The following TTC27 variants were observed in gnomAD, a reference collection of about 807,000 sequenced individuals.
TTC27 encodes the protein tetratricopeptide repeat protein 27.
In TTC27, 79 loss-of-function variants were observed where a neutral mutation model predicts 115.9. That is an observed-to-expected ratio of 0.68 (90% CI 0.57 to 0.82). The LOEUF is 0.82. Among genes scored for constraint, TTC27 ranks in the 40% least tolerant of loss-of-function variants. TTC27 has a pLI of 0.00. For synonymous variants in TTC27, 401 were observed against 356.0 expected (o/e 1.13, Z -1.42); for missense variants, 1,054 against 993.1 (o/e 1.06, Z -0.82).
At position 32,716,136 on chromosome 2, in the gene TTC27, A is replaced by G. The variant is rs551398748; in HGVS notation, c.1233+13216A>G. Reference sequence around the variant, plus strand: ...TGCGTAAGCATAAATATACTTTGACATAAGTGGGATCATCCAGTCTTCATT... The same window carrying G: ...TGCGTAAGCATAAATATACTTTGACGTAAGTGGGATCATCCAGTCTTCATT... On this transcript the variant is annotated intron_variant, in intron 10 of 19. Transcript: ENST00000317907. Among the ~76,000 whole-genome samples the G allele has an allele frequency of 4.6e-5, 7 of 152,308 alleles. No individual in the cohort carries two copies. The South Asian group carries it at 1.0e-3, about 23-fold the overall frequency.
At chr2:32,811,296 G>A in intron 17 of TTC27, 75 bp downstream of exon 17, 2 of 1,357,246 alleles carry the variant, frequency 1.5e-6, no homozygotes, top group Middle Eastern at 2.2e-4. Flanking sequence ...TTTGATGGGT[G>A]GAGGAAGAGT....
chr2:32,797,664 G>A (rs544511159), intron 16 of TTC27, among the ~76,000 whole-genome samples: 1 of 152,168 alleles, frequency 6.6e-6, no homozygotes, highest in South Asian at 2.1e-4. Flanking sequence ...ACTCTTAAAA[G>A]TAAACATAGG....
chr2:32,777,798 G>GTT, intron 13 of TTC27, 84 bp from the exon 14 acceptor site: 2 of 1,296,552 alleles, frequency 1.5e-6, no homozygotes, highest in Non-Finnish European at 2.2e-6. Context: ...GAGTGTGTTT[G>GTT]TTGATAGCAT....
At chr2:32,663,123 G>A (rs1665615106) in intron 5 of TTC27, among the ~76,000 whole-genome samples, 1 of 152,160 alleles carries the variant, frequency 6.6e-6, no homozygotes, top group African/African-American at 2.4e-5. Flanking sequence ...TCATGGGGGT[G>A]GGATCAGCTG....
At chr2:32,709,985 CTGT>C (rs1667519742) in intron 10 of TTC27, among the ~76,000 whole-genome samples, 1 of 152,018 alleles carries the variant, frequency 6.6e-6, no homozygotes, top group Non-Finnish European at 1.5e-5. Flanking sequence ...GTTTAAGTGT[CTGT>C]TGTTGTTAAA....
Position 32,723,732 on chromosome 2 carries a change from T to TTCCC in TTC27, c.1234-10093_1234-10092insCTCC, listed in dbSNP as rs1558310928. Among the ~76,000 whole-genome samples the TTCCC allele has an allele frequency of 1.0e-3, 28 of 26,742 alleles. 1 individual carries two copies. The South Asian group carries it at 0.042, about 40-fold the overall frequency. 17.5% of individuals were successfully genotyped at this position (26,742 alleles called of 152,430 possible). A position where few individuals can be genotyped will look rare whatever the true frequency, so the allele number is the denominator to read the frequency against. On this transcript the variant is annotated intron_variant, in intron 10 of 19. Coordinates refer to ENST00000317907, the MANE Select transcript of TTC27 (RefSeq NM_017735.5). ...CCTCCCTCCCTCCCTCCCTCCCTCC[T>TTCCC]TCCTTCCTTCCTTCCTTCCTTCCTT... is the stretch of plus-strand genomic sequence containing the variant.
At chr2:32,760,809 T>A (rs959498143) in intron 13 of TTC27, among the ~76,000 whole-genome samples, 4 of 152,136 alleles carry the variant, frequency 2.6e-5, no homozygotes, top group African/African-American at 9.7e-5. Context: ...CTCACAGACA[T>A]GAATTGTTCT....
intron 13 of TTC27, among the ~76,000 whole-genome samples, chr2:32,776,165 T>G (rs1290738510): frequency 1.3e-5 from 2 of 152,222 alleles, no homozygotes; most frequent in Non-Finnish European, 2.9e-5. Flanking sequence ...CTGTTCTCCA[T>G]AAAGGCTCCT....
chr2:32,666,882 C>A, intron 7 of TTC27, 114 bp downstream of exon 7: 1 of 1,260,234 alleles, frequency 7.9e-7, no homozygotes, highest in Non-Finnish European at 1.1e-6. Context: ...TTTATTCTTT[C>A]TTTTGCCTTT....
intron 12 of TTC27, among the ~76,000 whole-genome samples, chr2:32,741,407 G>A (rs1668631484): frequency 6.6e-6 from 1 of 151,970 alleles, no homozygotes; most frequent in Non-Finnish European, 1.5e-5. Context: ...ACATTGGTAG[G>A]CTGAGGCGGG....
intron 10 of TTC27, among the ~76,000 whole-genome samples, chr2:32,724,447 C>T (rs1490929910): frequency 6.6e-6 from 1 of 152,080 alleles, no homozygotes; most frequent in Non-Finnish European, 1.5e-5. Context: ...CTATGGCTAC[C>T]AGACTGTGCT....
At chr2:32,767,443 G>T (rs375529009) in intron 13 of TTC27, among the ~76,000 whole-genome samples, 2,429 of 112,212 alleles carry the variant, frequency 0.022, 62 homozygotes, top group African/African-American at 0.075. Flanking sequence ...ATATTTATAA[G>T]TTTTTTTTTG....
chr2:32,814,618 C>T (rs1270781166), intron 18 of TTC27, among the ~76,000 whole-genome samples: 1 of 152,198 alleles, frequency 6.6e-6, no homozygotes, highest in Non-Finnish European at 1.5e-5. Context: ...CCAGTGGACC[C>T]ACATATATGA....
intron 10 of TTC27, among the ~76,000 whole-genome samples, chr2:32,708,431 C>A (rs1667460734): frequency 6.7e-6 from 1 of 149,924 alleles, no homozygotes; most frequent in African/African-American, 2.5e-5. Flanking sequence ...CTTGCCTCAA[C>A]CTTCTGAGTA....
intron 15 of TTC27, among the ~76,000 whole-genome samples, chr2:32,782,925 T>G (rs220652): frequency 0.65 from 99,521 of 152,028 alleles, 33,255 homozygotes; most frequent in African/African-American, 0.78. Context: ...TCTTTATTTA[T>G]TACTGAAGTT....
intron 10 of TTC27, among the ~76,000 whole-genome samples, chr2:32,728,037 C>CT (rs564322443): frequency 0.061 from 6,426 of 105,386 alleles, 286 homozygotes; most frequent in East Asian, 0.1. Flanking sequence ...AGGACTGCCT[C>CT]TTTTTTTTTT....
chr2:32,807,961 T>C (rs1351428942), intron 16 of TTC27, among the ~76,000 whole-genome samples: 2 of 140,148 alleles, frequency 1.4e-5, no homozygotes, highest in African/African-American at 2.7e-5. Context: ...GAGACAGAGT[T>C]TCGCTCTTGT....
intron 16 of TTC27, among the ~76,000 whole-genome samples, chr2:32,797,333 C>T (rs578137901): frequency 3.3e-5 from 5 of 151,282 alleles, no homozygotes; most frequent in Non-Finnish European, 5.9e-5. Flanking sequence ...GAGCATGCCA[C>T]CACATCTAAC....
At chr2:32,683,177 A>T (rs1461511593) in intron 9 of TTC27, among the ~76,000 whole-genome samples, 1 of 151,766 alleles carries the variant, frequency 6.6e-6, no homozygotes, top group Non-Finnish European at 1.5e-5. Flanking sequence ...TTTAGTAGAG[A>T]TGGGGTTTCA....
Sources: gnomAD v4.1 joint callset for allele counts (sites outside exome capture counted in the v4.1 genomes callset) on GRCh38, gnomAD v4.1.1 for gene constraint, MANE v1.5 for transcripts, NCBI Gene and HGNC (gene_info 2026-07-23, HGNC 2026-07-21) for gene names.